Variants in TYR observed in about 807,000 individuals in gnomAD.
TYR encodes the protein tyrosinase.
A neutral mutation model predicts 51.5 loss-of-function variants in TYR; 58 were observed. The ratio of observed to expected loss-of-function variants is 1.13; its 90% CI spans 0.91 to 1.40. TYR has a LOEUF of 1.40. Among genes scored for constraint, TYR ranks in the 40% most tolerant of loss-of-function variants. The pLI is 0.00. For synonymous variants in TYR, 263 were observed against 235.2 expected, an observed-to-expected ratio of 1.12 and a Z score of -1.08; for missense variants, 732 against 647.4, an observed-to-expected ratio of 1.13 and a Z score of -1.42.
rs112267653 is a variant in TYR at position 89,178,517 on chromosome 11, G to C, written c.564G>C (p.Leu188=). 8 of 1,614,158 alleles carry C rather than the reference G, an allele frequency of 5.0e-6. No individual in the cohort carries two copies. In the African/African-American group the frequency reaches 5.3e-5, roughly 11 times the overall value. The change falls in exon 1 of 5, where the codon CTG becomes CTC. Residue 188 remains leucine (L), a synonymous_variant. Transcript: ENST00000263321. ...ATTATTATGTGTCAATGGATGCACTGCTTGGGGGATCTGAAATCTGGAGAG... is the reference window on the plus strand; with the variant it reads ...ATTATTATGTGTCAATGGATGCACTCCTTGGGGGATCTGAAATCTGGAGAG... ...WMHYYVSMDA[L]LGGSEIWRDI...
rs552139610 is a variant in TYR, at chr11:89,232,244, T to C, written c.1184+4274T>C. ...CACTACAATAAAGTGAATATCTCAATAGAGACACAAAGTTTTGGGTTTCCC... is the reference window on the plus strand; with the variant it reads ...CACTACAATAAAGTGAATATCTCAACAGAGACACAAAGTTTTGGGTTTCCC... On this transcript the variant is annotated intron_variant, in intron 3 of 4. Transcript: ENST00000263321. Among the ~76,000 whole-genome samples, 4 of 143,330 alleles carry C rather than the reference T, an allele frequency of 2.8e-5. 2 individuals carry two copies. The highest frequency in any genetic ancestry group is 6.0e-5 in the Non-Finnish European group (4 of 66,668). The allele number at this position is 143,330 out of a possible 152,430, so 94.0% of individuals were successfully genotyped here.
At chr11:89,288,638 T>A (rs976758216) in intron 4 of TYR, among the ~76,000 whole-genome samples, 1 of 152,046 alleles carries the variant, frequency 6.6e-6, no homozygotes, top group Non-Finnish European at 1.5e-5. Context: ...AGTTTGACTT[T>A]AAAATAAGCA....
At chr11:89,214,650 A>T (rs1943809501) in intron 2 of TYR, among the ~76,000 whole-genome samples, 1 of 152,218 alleles carries the variant, frequency 6.6e-6, no homozygotes, top group African/African-American at 2.4e-5. Context: ...TCAATAATGG[A>T]CAGGATAAAG....
intron 3 of TYR, among the ~76,000 whole-genome samples, chr11:89,254,451 A>G (rs924577059): frequency 7.3e-5 from 11 of 151,588 alleles, no homozygotes; most frequent in Admixed American, 4.6e-4. Context: ...TGTCTGGTCC[A>G]GGACCTTTTT....
chr11:89,217,946 A>G (rs1317158540), intron 2 of TYR, among the ~76,000 whole-genome samples: 1 of 151,992 alleles, frequency 6.6e-6, no homozygotes, highest in African/African-American at 2.4e-5. Flanking sequence ...TCCATGTTTT[A>G]TGGGTGAATA....
chr11:89,245,462 T>C (rs1181100747), intron 3 of TYR, among the ~76,000 whole-genome samples: 1 of 152,204 alleles, frequency 6.6e-6, no homozygotes, highest in African/African-American at 2.4e-5. Context: ...GAAAGTATAC[T>C]CTTCCTCCAA....
At position 89,178,589 on chromosome 11, in the gene TYR, A is replaced by T. The variant is rs1169390905; in HGVS notation, c.636A>T (p.Arg212Ser). ...CACCAGCTTTTCTGCCTTGGCATAG[A>T]CTCTTCTTGTTGCGGTGGGAACAAG... Reference protein sequence around the residue: ...HEAPAFLPWHRLFLLRWEQEI... With the variant: ...HEAPAFLPWHSLFLLRWEQEI... Residue 212 changes from arginine (R) to serine (S), a missense_variant, in exon 1 of 5, where the codon AGA (arginine) becomes AGT (serine). Transcript: ENST00000263321. The T allele has an allele frequency of 6.2e-7, 1 of 1,613,476 alleles. No individual in the cohort carries two copies. Among genetic ancestry groups the T allele is most frequent in the South Asian group, 1.1e-5 (1 of 91,058 alleles).
At chr11:89,269,377 A>G (rs1038188121) in intron 3 of TYR, among the ~76,000 whole-genome samples, 2 of 151,882 alleles carry the variant, frequency 1.3e-5, no homozygotes, top group African/African-American at 4.8e-5. Context: ...ATTTGAGTGC[A>G]ATTTCTGCCT....
chr11:89,277,766 A>G (rs780338353), intron 3 of TYR, among the ~76,000 whole-genome samples: 4 of 151,622 alleles, frequency 2.6e-5, no homozygotes, highest in African/African-American at 4.8e-5. Flanking sequence ...TACTGCTTGG[A>G]TTTCCAGACA....
intron 3 of TYR, among the ~76,000 whole-genome samples, chr11:89,264,179 G>A (rs946730937): frequency 2.0e-5 from 3 of 151,950 alleles, no homozygotes; most frequent in Admixed American, 1.3e-4. Flanking sequence ...CAATCCAGAG[G>A]TGGAAATGCA....
rs760149792 is a variant in TYR at position 89,178,446 on chromosome 11, C to T, written c.493C>T (p.Pro165Ser). 13 of 1,614,172 alleles carry T rather than the reference C, an allele frequency of 8.1e-6. No homozygotes were observed. In the East Asian group the frequency reaches 2.7e-4, roughly 33 times the overall value. ...TGGCCAAATGAAAAATGGATCAACA[C>T]CCATGTTTAACGACATCAATATTTA... ...TYGQMKNGST[P>S]MFNDINIYDL... Residue 165 changes from proline to serine, a missense_variant, in exon 1 of 5, where the codon CCC becomes TCC. Coordinates refer to ENST00000263321, the MANE Select transcript of TYR (RefSeq NM_000372.5).
chr11:89,290,634 C>T (rs1308816025), intron 4 of TYR, among the ~76,000 whole-genome samples: 1 of 151,936 alleles, frequency 6.6e-6, no homozygotes, highest in East Asian at 1.9e-4. Context: ...TCCATGATGG[C>T]TCACCAACAA....
chr11:89,233,676 C>A lies in TYR; in HGVS notation c.1184+5706C>A, dbSNP rs143580807. 7.7e-4 allele frequency among the ~76,000 whole-genome samples: 109 copies of A among 142,278 alleles called. 23 individuals carry two copies. The highest frequency in any genetic ancestry group is 2.8e-3 in the African/African-American group (101 of 35,920). 93.3% of individuals were successfully genotyped at this position (142,278 alleles called of 152,430 possible). On this transcript the variant is annotated intron_variant, in intron 3 of 4. Transcript: ENST00000263321. Reference sequence around the variant, plus strand: ...AGTATTCATCTCCTAGTATATCTTCCTCAGAGATTTTGGGTGACCAGGTAT... The same window carrying A: ...AGTATTCATCTCCTAGTATATCTTCATCAGAGATTTTGGGTGACCAGGTAT...
intron 2 of TYR, among the ~76,000 whole-genome samples, chr11:89,219,073 ATTAC>A: frequency 6.6e-6 from 1 of 152,182 alleles, no homozygotes; most frequent in Non-Finnish European, 1.5e-5. Flanking sequence ...GTATTTGTAA[ATTAC>A]TTAGAACCAT....
intron 3 of TYR, among the ~76,000 whole-genome samples, chr11:89,230,405 G>C (rs759111770): frequency 1.3e-5 from 2 of 152,048 alleles, no homozygotes; most frequent in Non-Finnish European, 2.9e-5. Context: ...CTTAAATATA[G>C]GGATTAGAAA....
intron 3 of TYR, among the ~76,000 whole-genome samples, chr11:89,260,077 A>G (rs189874952): frequency 4.6e-5 from 7 of 152,140 alleles, no homozygotes; most frequent in Admixed American, 2.0e-4. Flanking sequence ...GGTTAAAAAG[A>G]GATTGTATAT....
intron 3 of TYR, 61 bp from the exon 4 acceptor site, chr11:89,284,712 T>G: frequency 1.3e-6 from 2 of 1,531,992 alleles, no homozygotes; most frequent in Non-Finnish European, 1.8e-6. Flanking sequence ...CTTTAAAAAT[T>G]TTCAAATGTT....
intron 3 of TYR, among the ~76,000 whole-genome samples, chr11:89,238,688 A>G (rs1319839730): frequency 6.6e-6 from 1 of 152,094 alleles, no homozygotes; most frequent in East Asian, 1.9e-4. Flanking sequence ...AAGAAGTTCT[A>G]CTTTTTGCCA....
intron 2 of TYR, among the ~76,000 whole-genome samples, chr11:89,193,761 A>G (rs1225272759): frequency 2.0e-5 from 3 of 152,114 alleles, no homozygotes; most frequent in Non-Finnish European, 4.4e-5. Context: ...TTTTTTCTTA[A>G]ATTTGTATTC....
Sources: gnomAD v4.1 joint callset for allele counts (sites outside exome capture counted in the v4.1 genomes callset) on GRCh38, gnomAD v4.1.1 for gene constraint, MANE v1.5 for transcripts, NCBI Gene and HGNC (gene_info 2026-07-23, HGNC 2026-07-21) for gene names.